ARHGEF28: variants seen among roughly 807,000 people sequenced by gnomAD.
ARHGEF28 encodes Rho guanine nucleotide exchange factor 28.
ARHGEF28 carries 152 observed loss-of-function variants against 206.6 expected under a neutral mutation model. The ratio of observed to expected loss-of-function variants is 0.74; its 90% CI spans 0.64 to 0.84. The LOEUF (loss-of-function observed/expected upper bound fraction) is 0.84, where lower values mean the gene tolerates loss of function less well. ARHGEF28 is among the 40% of genes least tolerant of loss of function. ARHGEF28 has a pLI of 0.00. For missense variants in ARHGEF28, 2,028 were observed against 2,073.2 expected, an observed-to-expected ratio of 0.98 and a Z score of 0.42; for synonymous variants, 763 against 776.4, an observed-to-expected ratio of 0.98 and a Z score of 0.29.
rs1022616736 is a variant in ARHGEF28, at chr5:73,846,434, A to G, written c.1594A>G (p.Arg532Gly). Reference sequence around the variant, plus strand: ...CACTGAACCGGATTTTAATATCTCCAGGGCTGAATCCCTTCCTCTATCAAG... The same window carrying G: ...CACTGAACCGGATTTTAATATCTCCGGGGCTGAATCCCTTCCTCTATCAAG... ...TNTEPDFNISRAESLPLSSNL... is the reference protein window; with the variant it reads ...TNTEPDFNISGAESLPLSSNL... The change falls in exon 12 of 36, where the codon AGG becomes GGG. Residue 532 changes from arginine (R) to glycine (G), a missense_variant. Transcript: ENST00000513042. The G allele has an allele frequency of 6.2e-7, 1 of 1,613,958 alleles. No homozygotes were observed. Among genetic ancestry groups the G allele is most frequent in the Non-Finnish European group, 8.5e-7 (1 of 1,179,836 alleles).
At chr5:73,814,959 C>A (rs1320120025) in intron 9 of ARHGEF28, among the ~76,000 whole-genome samples, 2 of 151,946 alleles carry the variant, frequency 1.3e-5, no homozygotes, top group Non-Finnish European at 2.9e-5. Flanking sequence ...TCATTGAAGA[C>A]TTTAATAGCT....
At chr5:73,665,593 G>C (rs1284575652) in intron 1 of ARHGEF28, among the ~76,000 whole-genome samples, 5 of 152,204 alleles carry the variant, frequency 3.3e-5, no homozygotes, top group Non-Finnish European at 4.4e-5. Context: ...TGGAGGCTGA[G>C]AAGTTCTAGC....
chr5:73,789,129 A>C (rs1385070225), intron 7 of ARHGEF28, among the ~76,000 whole-genome samples: 1 of 152,226 alleles, frequency 6.6e-6, no homozygotes, highest in Non-Finnish European at 1.5e-5. Flanking sequence ...GATATCCATC[A>C]GCTGAGGAAT....
At chr5:73,742,615 G>C (rs1751501097) in intron 2 of ARHGEF28, among the ~76,000 whole-genome samples, 1 of 151,230 alleles carries the variant, frequency 6.6e-6, no homozygotes, top group Non-Finnish European at 1.5e-5. Context: ...ATGAGGTCAG[G>C]AGATCGAGAC....
chr5:73,885,830 T>G lies in ARHGEF28; in HGVS notation c.3056-20T>G, dbSNP rs1761246190. 1 of 1,590,216 alleles carries G rather than the reference T, an allele frequency of 6.3e-7. No homozygotes were observed. The highest frequency in any genetic ancestry group is 1.4e-5 in the African/African-American group (1 of 73,468). On this transcript the variant is annotated intron_variant, in intron 24 of 35. Coordinates refer to ENST00000513042, the MANE Select transcript of ARHGEF28 (RefSeq NM_001177693.2). ...TTATTGTATAGTATTTTTGTTTGTT[T>G]GTTTCTTTTTCCCACGCAGAAAGAA...
intron 10 of ARHGEF28, among the ~76,000 whole-genome samples, chr5:73,839,691 G>A (rs181168333): frequency 2.0e-5 from 3 of 152,224 alleles, no homozygotes; most frequent in Admixed American, 6.5e-5. Flanking sequence ...CTTACCCTCC[G>A]CAGAGTCTTA....
rs1005234700 is a variant in ARHGEF28, at chr5:73,672,799, C to T, written c.-11-12042C>T. On this transcript the variant is annotated intron_variant, in intron 1 of 35. Transcript: ENST00000513042. Reference sequence around the variant, plus strand: ...TTAAAGGGCTTAATCACTTTGTGTGCAAATATATCCTGCGAAATACAAGTG... The same window carrying T: ...TTAAAGGGCTTAATCACTTTGTGTGTAAATATATCCTGCGAAATACAAGTG... 5.3e-5 allele frequency among the ~76,000 whole-genome samples: 8 copies of T among 152,304 alleles called. No homozygotes were observed. In the South Asian group the frequency reaches 1.7e-3, roughly 32 times the overall value.
intron 2 of ARHGEF28, among the ~76,000 whole-genome samples, chr5:73,745,992 A>G (rs1751698032): frequency 6.6e-6 from 1 of 152,096 alleles, no homozygotes; most frequent in South Asian, 2.1e-4. Flanking sequence ...GAAAAAGGTG[A>G]ATTAAATCAG....
intron 2 of ARHGEF28, among the ~76,000 whole-genome samples, chr5:73,747,790 C>A (rs554453091): frequency 5.3e-5 from 8 of 152,272 alleles, no homozygotes; most frequent in Admixed American, 5.2e-4. Context: ...GTTGGTTATC[C>A]TTTCACTAGT....
intron 1 of ARHGEF28, among the ~76,000 whole-genome samples, chr5:73,636,298 CA>C (rs879541230): frequency 6.6e-6 from 1 of 152,192 alleles, no homozygotes; most frequent in Admixed American, 6.5e-5. Flanking sequence ...GCTTGTCTCA[CA>C]ATGGTAGGGC....
intron 2 of ARHGEF28, among the ~76,000 whole-genome samples, chr5:73,741,105 A>G (rs1001372096): frequency 4.6e-5 from 7 of 152,164 alleles, no homozygotes; most frequent in Admixed American, 3.3e-4. Flanking sequence ...GTTTTCACTT[A>G]CTAGGAGTTC....
rs1755075841 is a variant in ARHGEF28 at position 73,800,645 on chromosome 5, AC to A, written c.1024+5255del. On this transcript the variant is annotated intron_variant, in intron 9 of 35. Coordinates refer to ENST00000513042, the MANE Select transcript of ARHGEF28 (RefSeq NM_001177693.2). ...TTCATACCAAAAAAAACAAAACAAAACAGAAAAAAGAAAGAAAAAACCCGTC... is the reference window on the plus strand; with the variant it reads ...TTCATACCAAAAAAAACAAAACAAAAAGAAAAAAGAAAGAAAAAACCCGTC... Among the ~76,000 whole-genome samples the A allele has an allele frequency of 2.6e-5, 4 of 151,802 alleles. No homozygotes were observed. The South Asian group carries it at 8.3e-4, about 31-fold the overall frequency.
chr5:73,805,426 G>A (rs542478075), intron 9 of ARHGEF28, among the ~76,000 whole-genome samples: 100 of 152,330 alleles, frequency 6.6e-4, no homozygotes, highest in African/African-American at 2.4e-3. Flanking sequence ...GTGTGGTGGA[G>A]AGAGGTGCAG....
chr5:73,685,245 T>G (rs2112249931), intron 2 of ARHGEF28, among the ~76,000 whole-genome samples: 1 of 152,260 alleles, frequency 6.6e-6, no homozygotes, highest in South Asian at 2.1e-4. Context: ...TCATGATAAT[T>G]GTGTCAGCTA....
At chr5:73,693,935 A>G (rs1748012830) in intron 2 of ARHGEF28, among the ~76,000 whole-genome samples, 1 of 152,134 alleles carries the variant, frequency 6.6e-6, no homozygotes, top group African/African-American at 2.4e-5. Context: ...GAGCAAAGAG[A>G]GGACCATGGT....
At chr5:73,758,620 A>AT (rs1328386254) in intron 4 of ARHGEF28, among the ~76,000 whole-genome samples, 2 of 151,966 alleles carry the variant, frequency 1.3e-5, no homozygotes, top group East Asian at 3.9e-4. Context: ...CAGTGGGATG[A>AT]TATTGGTTCA....
At chr5:73,684,361 A>G (rs58417536) in intron 1 of ARHGEF28, among the ~76,000 whole-genome samples, 25,349 of 152,262 alleles carry the variant, frequency 0.17, 2,764 homozygotes, top group Non-Finnish European at 0.24. Flanking sequence ...TTTACTTAGC[A>G]TAGTGTCTTT....
chr5:73,730,050 T>C (rs947379755), intron 2 of ARHGEF28, among the ~76,000 whole-genome samples: 1 of 152,212 alleles, frequency 6.6e-6, no homozygotes, highest in Admixed American at 6.5e-5. Flanking sequence ...AGTGAATATA[T>C]CGCCATCTAA....
At chr5:73,932,563 C>G (rs537869642) in intron 35 of ARHGEF28, among the ~76,000 whole-genome samples, 1 of 152,088 alleles carries the variant, frequency 6.6e-6, no homozygotes, top group Non-Finnish European at 1.5e-5. Flanking sequence ...ACTACATTTT[C>G]AGTTTGTTTT....
Sources: allele counts gnomAD v4.1 joint callset (sites outside exome capture counted in the v4.1 genomes callset), GRCh38; gene constraint gnomAD v4.1.1; transcripts MANE v1.5; gene names NCBI Gene and HGNC (gene_info 2026-07-23, HGNC 2026-07-21).